The following VHL variants were observed in gnomAD, a reference collection of about 807,000 sequenced individuals.
VHL encodes the protein von Hippel-Lindau disease tumor suppressor.
VHL carries 10 observed loss-of-function variants against 19.2 expected under a neutral mutation model. The ratio of observed to expected loss-of-function variants is 0.52; its 90% CI spans 0.32 to 0.89. The LOEUF (loss-of-function observed/expected upper bound fraction) is 0.89. VHL is among the 40% of genes least tolerant of loss of function. The pLI is 0.03. For synonymous variants in VHL, 167 were observed against 129.5 expected, an observed-to-expected ratio of 1.29 and a Z score of -1.97; for missense variants, 328 against 292.7, an observed-to-expected ratio of 1.12 and a Z score of -0.88.
intron 1 of VHL, 136 bp from the exon 2 acceptor site, chr3:10,146,378 G>C (rs562001515): frequency 2.2e-5 from 26 of 1,209,258 alleles, no homozygotes; most frequent in Non-Finnish European, 3.1e-5. Context: ...GTTTCACCAC[G>C]TTAGCCAGGA....
Position 10,141,824 on chromosome 3 carries a change from C to T in VHL, c.-24C>T, listed in dbSNP as rs1267337599. Reference sequence around the variant, plus strand: ...CCCGCGGATCCCGCGGCGTCCGGCCCGGGTGGTCTGGATCGCGGAGGGAAT... The same window carrying T: ...CCCGCGGATCCCGCGGCGTCCGGCCTGGGTGGTCTGGATCGCGGAGGGAAT... On this transcript the variant is annotated 5_prime_UTR_variant, in exon 1 of 3. Transcript: ENST00000256474. 1 of 1,536,524 alleles carries T rather than the reference C, an allele frequency of 6.5e-7. No homozygotes were observed. Among genetic ancestry groups the T allele is most frequent in the South Asian group, 1.2e-5 (1 of 82,964 alleles).
At position 10,149,884 on chromosome 3, in the gene VHL, T is replaced by C. The variant is rs370769257; in HGVS notation, c.561T>C (p.Asp187=). The C allele has an allele frequency of 1.1e-5, 17 of 1,614,034 alleles. No homozygotes were observed. Among genetic ancestry groups the C allele is most frequent in the Admixed American group, 1.7e-5 (1 of 59,992 alleles). ...RLDIVRSLYE[D]LEDHPNVQKD... ...ACATCGTCAGGTCGCTCTACGAAGATCTGGAAGACCACCCAAATGTGCAGA... is the reference window on the plus strand; with the variant it reads ...ACATCGTCAGGTCGCTCTACGAAGACCTGGAAGACCACCCAAATGTGCAGA... Residue 187 remains aspartate, a synonymous_variant, in exon 3 of 3, where the codon GAT becomes GAC. Transcript: ENST00000256474.
intron 2 of VHL, among the ~76,000 whole-genome samples, chr3:10,148,605 C>T (rs911561838): frequency 2.0e-5 from 3 of 151,692 alleles, no homozygotes; most frequent in African/African-American, 2.4e-5. Context: ...TGAGCCACCG[C>T]GCCCGGCCTA....
chr3:10,148,098 A>G (rs1030770261), intron 2 of VHL, among the ~76,000 whole-genome samples: 18 of 148,492 alleles, frequency 1.2e-4, no homozygotes, highest in Non-Finnish European at 2.5e-4. Context: ...CCTGTCTCAA[A>G]AAAAGAAAAA....
In VHL at chr3:10,144,665, C is replaced by G. The variant is rs1453713716; in HGVS notation, c.341-1849C>G. On this transcript the variant is annotated intron_variant, in intron 1 of 2. Coordinates refer to ENST00000256474, the MANE Select transcript of VHL (RefSeq NM_000551.4). ...TAGCTGGGACTATAGGCATGCTCCA[C>G]TATGTCTGGCTAATTTCTTTTTTTA... Among the ~76,000 whole-genome samples, 3 of 152,114 alleles carry G rather than the reference C, an allele frequency of 2.0e-5. No individual in the cohort carries two copies. The East Asian group carries it at 5.8e-4, about 29-fold the overall frequency.
intron 1 of VHL, among the ~76,000 whole-genome samples, chr3:10,144,635 C>T (rs1210053189): frequency 6.6e-6 from 1 of 151,872 alleles, no homozygotes; most frequent in African/African-American, 2.4e-5. Context: ...TTCAGCTTCC[C>T]AAAGTAGCTG....
Position 10,152,821 on chromosome 3 carries a change from G to A in VHL, c.*2856G>A, listed in dbSNP as rs983408843. On this transcript the variant is annotated 3_prime_UTR_variant, in exon 3 of 3. Coordinates refer to ENST00000256474, the MANE Select transcript of VHL (RefSeq NM_000551.4). ...ATTATTTTTTTTAAGCTGTCTTTGT[G>A]TCAAAATGATAGTTCATGCTCCTCT... Among the ~76,000 whole-genome samples, 1 of 151,814 alleles carries A rather than the reference G, an allele frequency of 6.6e-6. No individual in the cohort carries two copies. Among genetic ancestry groups the A allele is most frequent in the African/African-American group, 2.4e-5 (1 of 41,354 alleles).
chr3:10,141,872 G>C lies in VHL; in HGVS notation c.25G>C (p.Asp9His), dbSNP rs587780730. 1.3e-6 allele frequency: 2 copies of C among 1,534,908 alleles called. No individual in the cohort carries two copies. Among genetic ancestry groups the C allele is most frequent in the African/African-American group, 1.4e-5 (1 of 72,498 alleles). MPRRAENWDEAEVGAEEAG... is the reference protein window; with the variant it reads MPRRAENWHEAEVGAEEAG... ...AATGCCCCGGAGGGCGGAGAACTGG[G>C]ACGAGGCCGAGGTAGGCGCGGAGGA... The change falls in exon 1 of 3, where the codon GAC becomes CAC. Residue 9 changes from aspartate (D) to histidine (H), a missense_variant. By Grantham distance (81) the Asp-to-His change is moderately conservative (BLOSUM62 -1). Transcript: ENST00000256474.
rs1575921452 is a variant in VHL, at chr3:10,141,980, C to G, written c.133C>G (p.Pro45Ala). 1.3e-6 allele frequency: 2 copies of G among 1,565,548 alleles called. No individual in the cohort carries two copies. The highest frequency in any genetic ancestry group is 8.6e-7 in the Non-Finnish European group (1 of 1,156,692). The part of the protein sequence containing the change: ...AEESGPEESG[P>A]EELGAEEEME... The stretch of plus-strand genomic sequence containing the variant: ...GGAGTCCGGCCCGGAAGAGTCCGGC[C>G]CGGAGGAACTGGGCGCCGAGGAGGA... Residue 45 changes from proline (P) to alanine (A), a missense_variant, in exon 1 of 3, where the codon CCG (proline) becomes GCG (alanine). Transcript: ENST00000256474.
intron 2 of VHL, among the ~76,000 whole-genome samples, chr3:10,148,129 A>G (rs894493704): frequency 1.3e-5 from 2 of 151,808 alleles, no homozygotes; most frequent in Admixed American, 6.6e-5. Flanking sequence ...AAACCCCCCA[A>G]ATACATGGGT....
In VHL at chr3:10,145,522, G is replaced by A. The variant is rs141865218; in HGVS notation, c.341-992G>A. ...AGATTGAGACCATCCTGGCTAATAC[G>A]GTGAAACCCTGTCTCTACTGAAAAT... is the stretch of plus-strand genomic sequence containing the variant. On this transcript the variant is annotated intron_variant, in intron 1 of 2. Coordinates refer to ENST00000256474, the MANE Select transcript of VHL (RefSeq NM_000551.4). Among the ~76,000 whole-genome samples the A allele has an allele frequency of 5.9e-3, 900 of 152,036 alleles. 12 individuals carry two copies. Among genetic ancestry groups the A allele is most frequent in the African/African-American group, 0.02 (836 of 41,490 alleles).
chr3:10,146,508 C>T lies in VHL; in HGVS notation c.341-6C>T, dbSNP rs191201783. 4.1e-5 allele frequency: 66 copies of T among 1,613,434 alleles called. No individual in the cohort carries two copies. In the African/African-American group the frequency reaches 6.8e-4, roughly 17 times the overall value. Reference sequence around the variant, plus strand: ...GCTCTTTAACAACCTTTGCTTGTCCCGATAGGTCACCTTTGGCTCTTCAGA... The same window carrying T: ...GCTCTTTAACAACCTTTGCTTGTCCTGATAGGTCACCTTTGGCTCTTCAGA... On this transcript the variant is annotated splice_polypyrimidine_tract_variant and splice_region_variant and intron_variant, in intron 1 of 2. Coordinates refer to ENST00000256474, the MANE Select transcript of VHL (RefSeq NM_000551.4).
In VHL at chr3:10,153,317, G is replaced by T; in HGVS notation, c.*3352G>T. Among the ~76,000 whole-genome samples the T allele has an allele frequency of 6.6e-6, 1 of 151,844 alleles. No individual in the cohort carries two copies. Among genetic ancestry groups the T allele is most frequent in the South Asian group, 2.1e-4 (1 of 4,804 alleles). On this transcript the variant is annotated 3_prime_UTR_variant, in exon 3 of 3. Coordinates refer to ENST00000256474, the MANE Select transcript of VHL (RefSeq NM_000551.4). Reference sequence around the variant, plus strand: ...AAAACAAAAATTATCCAGGTGTGGCGGTGGGCGCCTGTGAGGCAGGCGAAT... The same window carrying T: ...AAAACAAAAATTATCCAGGTGTGGCTGTGGGCGCCTGTGAGGCAGGCGAAT...
At chr3:10,147,846 C>T (rs977893534) in intron 2 of VHL, among the ~76,000 whole-genome samples, 1 of 152,078 alleles carries the variant, frequency 6.6e-6, no homozygotes, top group Non-Finnish European at 1.5e-5. Flanking sequence ...AATTCCAGCA[C>T]TTAGGGAGGC....
intron 1 of VHL, 152 bp downstream of exon 1, chr3:10,142,339 T>TTA: frequency 5.0e-5 from 35 of 697,554 alleles, no homozygotes; most frequent in Middle Eastern, 4.0e-4. Context: ...CGTCAGAGCA[T>TTA]TCTTTTTTTT....
rs1575932259 is a variant in VHL at position 10,149,849 on chromosome 3, A to G, written c.526A>G (p.Arg176Gly). 3 of 1,614,108 alleles carry G rather than the reference A, an allele frequency of 1.9e-6. No homozygotes were observed. In the African/African-American group the frequency reaches 4.0e-5, roughly 22 times the overall value. ...GAGCCTAGTCAAGCCTGAGAATTAC[A>G]GGAGACTGGACATCGTCAGGTCGCT... ...VRSLVKPENY[R>G]RLDIVRSLYE... The change falls in exon 3 of 3, where the codon AGG (arginine) becomes GGG (glycine). Residue 176 changes from arginine (R) to glycine (G), a missense_variant. Arg to Gly is a moderately radical substitution (Grantham distance 125). Transcript: ENST00000256474.
chr3:10,144,302 A>AT (rs1257165651), intron 1 of VHL, among the ~76,000 whole-genome samples: 16 of 50,618 alleles, frequency 3.2e-4, no homozygotes, highest in East Asian at 7.2e-4. Flanking sequence ...CCCTGTCTGT[A>AT]TTTAAAAAAA....
Position 10,142,138 on chromosome 3 carries a change from C to G in VHL, c.291C>G (p.Pro97=), listed in dbSNP as rs1805159. 1.9e-6 allele frequency: 3 copies of G among 1,600,042 alleles called. No homozygotes were observed. The African/African-American group carries it at 4.0e-5, about 21-fold the overall frequency. ...TCAACTTCGACGGCGAGCCGCAGCC[C>G]TACCCAACGCTGCCGCCTGGCACGG... ...VWLNFDGEPQ[P]YPTLPPGTGR... Residue 97 remains proline, a synonymous_variant, in exon 1 of 3, where the codon CCC becomes CCG. Coordinates refer to ENST00000256474, the MANE Select transcript of VHL (RefSeq NM_000551.4).
At position 10,143,005 on chromosome 3, in the gene VHL, G is replaced by C. The variant is rs960959316; in HGVS notation, c.340+818G>C. 6.6e-6 allele frequency: 1 copy of C among 152,382 alleles called. No homozygotes were observed. The highest frequency in any genetic ancestry group is 1.5e-5 in the Non-Finnish European group (1 of 68,090). The allele number at this position is 152,382 out of a possible 1,614,324, so 9.4% of individuals were successfully genotyped here. A position where few individuals can be genotyped will look rare whatever the true frequency, so the allele number is the denominator to read the frequency against. ...GAAGGAAGAGAGCAGGATGGAGTAGGAACTAGCCAACCCTAGGTAAGAGGT... is the reference window on the plus strand; with the variant it reads ...GAAGGAAGAGAGCAGGATGGAGTAGCAACTAGCCAACCCTAGGTAAGAGGT... On this transcript the variant is annotated intron_variant, in intron 1 of 2. Transcript: ENST00000256474.
Sources: gnomAD v4.1 joint callset for allele counts (sites outside exome capture counted in the v4.1 genomes callset) on GRCh38, gnomAD v4.1.1 for gene constraint, MANE v1.5 for transcripts, NCBI Gene and HGNC (gene_info 2026-07-23, HGNC 2026-07-21) for gene names.